Variants in TOX observed in about 807,000 individuals in gnomAD.
TOX encodes thymocyte selection-associated high mobility group box protein TOX.
In TOX, 11 loss-of-function variants were observed where a neutral mutation model predicts 53.7. The observed-to-expected ratio is 0.20, with a 90% CI of 0.13 to 0.34. TOX has a LOEUF of 0.34. Among genes scored for constraint, TOX ranks in the 10% least tolerant of loss-of-function variants. TOX has a pLI of 1.00. For missense variants in TOX, 570 were observed against 664.6 expected, an observed-to-expected ratio of 0.86 and a Z score of 1.56; for synonymous variants, 225 against 245.3, an observed-to-expected ratio of 0.92 and a Z score of 0.77.
At chr8:58,993,205 C>A (rs1813489291) in intron 1 of TOX, among the ~76,000 whole-genome samples, 1 of 152,128 alleles carries the variant, frequency 6.6e-6, no homozygotes, top group African/African-American at 2.4e-5. Context: ...AGAATCTCTA[C>A]ATAAGAGAGG....
chr8:58,838,847 G>A (rs1585853426), intron 4 of TOX, among the ~76,000 whole-genome samples: 2 of 151,586 alleles, frequency 1.3e-5, no homozygotes, highest in Non-Finnish European at 2.9e-5. Flanking sequence ...GACTACAGAC[G>A]CGCGCCACCA....
At chr8:59,078,447 G>A (rs548503096) in intron 1 of TOX, among the ~76,000 whole-genome samples, 14 of 152,120 alleles carry the variant, frequency 9.2e-5, no homozygotes, top group Non-Finnish European at 1.8e-4. Context: ...TTAAAAGGGC[G>A]TGGCACTTGC....
chr8:59,074,325 T>C (rs1804252825), intron 1 of TOX, among the ~76,000 whole-genome samples: 1 of 152,186 alleles, frequency 6.6e-6, no homozygotes, highest in South Asian at 2.1e-4. Flanking sequence ...AGCAAAATGT[T>C]GAATATTTGT....
chr8:58,826,765 C>A, intron 6 of TOX, 57 bp downstream of exon 6: 1 of 1,479,004 alleles, frequency 6.8e-7, no homozygotes, highest in South Asian at 1.3e-5. Flanking sequence ...AAGTGACTAT[C>A]AAAGTCTGCG....
At chr8:58,928,731 T>C (rs1812206575) in intron 3 of TOX, among the ~76,000 whole-genome samples, 1 of 152,146 alleles carries the variant, frequency 6.6e-6, no homozygotes, top group African/African-American at 2.4e-5. Context: ...TTTTTAGCAA[T>C]AAACTTTATG....
intron 3 of TOX, among the ~76,000 whole-genome samples, chr8:58,868,482 C>T (rs1385035888): frequency 6.6e-6 from 1 of 152,126 alleles, no homozygotes; most frequent in Non-Finnish European, 1.5e-5. Context: ...GACTTCCACC[C>T]ACCAAACATG....
chr8:58,906,194 G>A (rs748963034), intron 3 of TOX, among the ~76,000 whole-genome samples: 31 of 152,114 alleles, frequency 2.0e-4, no homozygotes, highest in Non-Finnish European at 3.8e-4. Flanking sequence ...CAAACACTGT[G>A]TTTGGTCCAG....
chr8:58,967,589 A>T (rs1171482917), intron 1 of TOX, among the ~76,000 whole-genome samples: 1 of 152,148 alleles, frequency 6.6e-6, no homozygotes, highest in African/African-American at 2.4e-5. Context: ...ACCTGGCTGG[A>T]GCTGAGGAGG....
intron 3 of TOX, among the ~76,000 whole-genome samples, chr8:58,885,258 A>T (rs1283793025): frequency 6.6e-6 from 1 of 152,152 alleles, no homozygotes; most frequent in East Asian, 1.9e-4. Flanking sequence ...TCTCATAATT[A>T]CTGGTACCTT....
chr8:58,942,764 C>T (rs1290864298), intron 2 of TOX, among the ~76,000 whole-genome samples: 2 of 152,176 alleles, frequency 1.3e-5, no homozygotes, highest in Non-Finnish European at 2.9e-5. Flanking sequence ...GGATGTTATA[C>T]AATAGAATAT....
intron 1 of TOX, among the ~76,000 whole-genome samples, chr8:59,020,505 A>G (rs1814103449): frequency 6.6e-6 from 1 of 152,202 alleles, no homozygotes; most frequent in South Asian, 2.1e-4. Context: ...ATCAAGTGCT[A>G]CAGGAATGCG....
chr8:58,935,449 C>T (rs1286873243), intron 3 of TOX, among the ~76,000 whole-genome samples: 1 of 152,066 alleles, frequency 6.6e-6, no homozygotes, highest in Non-Finnish European at 1.5e-5. Context: ...AAAGTTGATC[C>T]TACACATAAA....
intron 1 of TOX, among the ~76,000 whole-genome samples, chr8:58,979,405 G>T (rs186301049): frequency 7.5e-4 from 114 of 152,318 alleles, no homozygotes; most frequent in African/African-American, 2.5e-3. Context: ...TTAATTTGAT[G>T]AATGTGGATG....
intron 1 of TOX, among the ~76,000 whole-genome samples, chr8:59,040,173 CA>C (rs1803549512): frequency 6.6e-6 from 1 of 151,582 alleles, no homozygotes; most frequent in Admixed American, 6.6e-5. Context: ...ACTAAAAATA[CA>C]AAAAATTAGC....
rs1329531090 is a variant in TOX, at chr8:59,119,043, C to T, written c.-56G>A. Reference sequence around the variant, plus strand: ...TTTTCCTTTTTTAAAAAAAAGTGTTCAGCAAAACAAGCTTAGACGGAACAG... The same window carrying T: ...TTTTCCTTTTTTAAAAAAAAGTGTTTAGCAAAACAAGCTTAGACGGAACAG... On this transcript the variant is annotated 5_prime_UTR_variant, in exon 1 of 9. Transcript: ENST00000361421. The T allele has an allele frequency of 2.3e-6, 3 of 1,298,918 alleles. No individual in the cohort carries two copies. The highest frequency in any genetic ancestry group is 3.0e-5 in the African/African-American group (2 of 66,288). 80.5% of individuals were successfully genotyped at this position (1,298,918 alleles called of 1,614,324 possible). A position where few individuals can be genotyped will look rare whatever the true frequency, so the allele number is the denominator to read the frequency against.
intron 5 of TOX, 48 bp from the exon 6 acceptor site, chr8:58,826,950 G>C (rs1346130348): frequency 6.5e-7 from 1 of 1,537,470 alleles, no homozygotes; most frequent in Non-Finnish European, 8.9e-7. Flanking sequence ...ATTTGCTTTT[G>C]TTTTCAGAGA....
At chr8:58,934,506 G>A (rs1471406646) in intron 3 of TOX, among the ~76,000 whole-genome samples, 1 of 152,166 alleles carries the variant, frequency 6.6e-6, no homozygotes, top group Non-Finnish European at 1.5e-5. Flanking sequence ...AAGTGAAACT[G>A]AGGCACAAAA....
intron 1 of TOX, among the ~76,000 whole-genome samples, chr8:59,096,456 T>C (rs1413253183): frequency 6.6e-6 from 1 of 152,178 alleles, no homozygotes; most frequent in Non-Finnish European, 1.5e-5. Context: ...GGGATACATG[T>C]TAATGAAACT....
At chr8:58,864,661 A>C (rs1433936300) in intron 3 of TOX, among the ~76,000 whole-genome samples, 1 of 152,142 alleles carries the variant, frequency 6.6e-6, no homozygotes, top group Non-Finnish European at 1.5e-5. Flanking sequence ...ACCTTTCTTT[A>C]TATTGTTTCA....
Sources: gnomAD v4.1 joint callset for allele counts (sites outside exome capture counted in the v4.1 genomes callset) on GRCh38, gnomAD v4.1.1 for gene constraint, MANE v1.5 for transcripts, NCBI Gene and HGNC (gene_info 2026-07-23, HGNC 2026-07-21) for gene names.